The following NAV3 variants were observed in gnomAD, a reference collection of about 807,000 sequenced individuals.
NAV3 encodes the protein neuron navigator 3.
Under a neutral mutation model 244.7 loss-of-function variants are expected in NAV3, and 87 were observed. The ratio of observed to expected loss-of-function variants is 0.36; its 90% CI spans 0.30 to 0.42. The LOEUF is 0.42. Ranked by LOEUF, NAV3 falls within the 20% of genes least tolerant of loss-of-function variation. NAV3 has a pLI of 1.00. For synonymous variants in NAV3, 1,126 were observed against 1,042.2 expected, an observed-to-expected ratio of 1.08 and a Z score of -1.55; for missense variants, 2,663 against 2,893.3, an observed-to-expected ratio of 0.92 and a Z score of 1.83.
chr12:78,040,650 G>A (rs773823772), intron 9 of NAV3, among the ~76,000 whole-genome samples: 16 of 152,098 alleles, frequency 1.1e-4, no homozygotes, highest in Non-Finnish European at 1.8e-4. Flanking sequence ...GGGGAAGGGG[G>A]AAAGGGATAG....
chr12:77,847,812 G>A lies in NAV3; in HGVS notation c.243+16108G>A, dbSNP rs552312147. Reference sequence around the variant, plus strand: ...TGTGTAGCTTGTTTTAGCCTTCAGAGGAAAGTTCCCATATATAGCACTCTA... The same window carrying A: ...TGTGTAGCTTGTTTTAGCCTTCAGAAGAAAGTTCCCATATATAGCACTCTA... On this transcript the variant is annotated intron_variant, in intron 1 of 39. Coordinates refer to ENST00000397909, the MANE Select transcript of NAV3 (RefSeq NM_001024383.2). Among the ~76,000 whole-genome samples, 41 of 152,274 alleles carry A rather than the reference G, an allele frequency of 2.7e-4. No individual in the cohort carries two copies. The Middle Eastern group carries it at 0.01, about 38-fold the overall frequency.
At chr12:78,161,068 A>G (rs1170006619) in intron 23 of NAV3, among the ~76,000 whole-genome samples, 1 of 152,120 alleles carries the variant, frequency 6.6e-6, no homozygotes, top group Non-Finnish European at 1.5e-5. Context: ...CTGACGGGAA[A>G]GAATAAAAAC....
At chr12:77,932,583 A>T (rs1290751032) in intron 1 of NAV3, among the ~76,000 whole-genome samples, 1 of 152,182 alleles carries the variant, frequency 6.6e-6, no homozygotes, top group Non-Finnish European at 1.5e-5. Context: ...ACAGGGCAGA[A>T]AACTATTTTA....
intron 9 of NAV3, among the ~76,000 whole-genome samples, chr12:78,042,201 G>T (rs1023294577): frequency 2.0e-5 from 3 of 152,144 alleles, no homozygotes; most frequent in Admixed American, 2.0e-4. Flanking sequence ...GCTTTAGAAG[G>T]TCACTAGCTT....
intron 2 of NAV3, among the ~76,000 whole-genome samples, chr12:77,641,711 A>G (rs1466582082): frequency 6.6e-6 from 1 of 152,072 alleles, no homozygotes; most frequent in Non-Finnish European, 1.5e-5. Context: ...TTTCCATTAT[A>G]CATACACCTC....
intron 12 of NAV3, among the ~76,000 whole-genome samples, chr12:78,082,469 C>T (rs1435084135): frequency 1.3e-5 from 2 of 152,096 alleles, no homozygotes; most frequent in East Asian, 1.9e-4. Flanking sequence ...TGATTTTTCT[C>T]GGAAGTTTTC....
intron 1 of NAV3, among the ~76,000 whole-genome samples, chr12:77,924,371 G>T (rs564809805): frequency 6.6e-6 from 1 of 152,220 alleles, no homozygotes; most frequent in African/African-American, 2.4e-5. Context: ...TGCAAGGAGA[G>T]GAGAGCTGGA....
chr12:77,933,269 G>T (rs1888995001), intron 1 of NAV3, among the ~76,000 whole-genome samples: 1 of 152,116 alleles, frequency 6.6e-6, no homozygotes, highest in African/African-American at 2.4e-5. Flanking sequence ...GTGTTTATAT[G>T]ACTGTTAGAG....
chr12:77,755,566 TCCTTTCCTTTCCTTTCCTC>T (rs1869103813), intron 2 of NAV3, among the ~76,000 whole-genome samples: 1 of 62,212 alleles, frequency 1.6e-5, no homozygotes, highest in Non-Finnish European at 3.2e-5. Flanking sequence ...TCCTTTCCTT[TCCTTTCCTTTCCTTTCCTC>T]CCTCCCTCCC....
In NAV3 at chr12:77,812,977, T is replaced by C. The variant is rs549791653; in HGVS notation, c.73-127342T>C. On this transcript the variant is annotated intron_variant, in intron 2 of 8. Coordinates refer to the NAV3 transcript ENST00000550042. ...AAGTAGCTGGGATTACAGGCATGCATCACCATGCCTAGCTTTTATGTTTTT... is the reference window on the plus strand; with the variant it reads ...AAGTAGCTGGGATTACAGGCATGCACCACCATGCCTAGCTTTTATGTTTTT... Among the ~76,000 whole-genome samples, 169 of 152,146 alleles carry C rather than the reference T, an allele frequency of 1.1e-3. 1 individual carries two copies. The highest frequency in any genetic ancestry group is 3.9e-3 in the African/African-American group (163 of 41,530).
chr12:77,796,987 C>A (rs1871438795), intron 2 of NAV3, among the ~76,000 whole-genome samples: 1 of 151,996 alleles, frequency 6.6e-6, no homozygotes, highest in South Asian at 2.1e-4. Context: ...GAAATGAATT[C>A]TCAAAATCTC....
chr12:77,826,740 C>T (rs527740169), upstream of NAV3, among the ~76,000 whole-genome samples: 7 of 152,212 alleles, frequency 4.6e-5, no homozygotes, highest in South Asian at 1.2e-3. Context: ...GCAAAACTAG[C>T]GTTAGAAGTC....
intron 2 of NAV3, among the ~76,000 whole-genome samples, chr12:77,680,331 T>C (rs913508772): frequency 4.6e-5 from 7 of 152,122 alleles, no homozygotes; most frequent in Non-Finnish European, 4.4e-5. Context: ...AGAATATCTA[T>C]TAGGGTAATG....
Position 77,867,492 on chromosome 12 carries a change from T to G in NAV3, c.243+35788T>G, listed in dbSNP as rs1210973074. On this transcript the variant is annotated intron_variant, in intron 1 of 39. Transcript: ENST00000397909. ...TGGAGTGCAGTGGCGCGATCTCAGCTCACTGCCAGCTCCGCCTCCCAGGTT... is the reference window on the plus strand; with the variant it reads ...TGGAGTGCAGTGGCGCGATCTCAGCGCACTGCCAGCTCCGCCTCCCAGGTT... Among the ~76,000 whole-genome samples, 12 of 152,166 alleles carry G rather than the reference T, an allele frequency of 7.9e-5. 1 individual carries two copies. The highest frequency in any genetic ancestry group is 7.9e-4 in the Admixed American group (12 of 15,268).
intron 9 of NAV3, among the ~76,000 whole-genome samples, chr12:78,046,771 A>G (rs1037147270): frequency 2.0e-5 from 3 of 152,148 alleles, no homozygotes; most frequent in Non-Finnish European, 4.4e-5. Context: ...GTTGAGTTCA[A>G]GTCCTGAATA....
At chr12:77,971,646 G>GTGA (rs1271063253) in intron 5 of NAV3, among the ~76,000 whole-genome samples, 2 of 152,020 alleles carry the variant, frequency 1.3e-5, no homozygotes, top group Non-Finnish European at 2.9e-5. Flanking sequence ...AAAATTCCTA[G>GTGA]TGACAAATTT....
At chr12:77,770,201 G>A (rs776209004) in intron 2 of NAV3, among the ~76,000 whole-genome samples, 7 of 152,096 alleles carry the variant, frequency 4.6e-5, no homozygotes, top group Non-Finnish European at 1.0e-4. Flanking sequence ...TTTACTTTAT[G>A]AGAAGGAATA....
chr12:77,690,993 C>T (rs1001373135), intron 2 of NAV3, among the ~76,000 whole-genome samples: 2 of 150,554 alleles, frequency 1.3e-5, no homozygotes, highest in African/African-American at 4.8e-5. Context: ...ATTTTTATGG[C>T]ATCTTTTATT....
intron 2 of NAV3, among the ~76,000 whole-genome samples, chr12:77,715,363 CTT>C (rs1876311859): frequency 6.6e-6 from 1 of 151,202 alleles, no homozygotes; most frequent in South Asian, 2.1e-4. Flanking sequence ...CTTTCTATGT[CTT>C]TTTTGTATTA....
Sources: gnomAD v4.1 joint callset for allele counts (sites outside exome capture counted in the v4.1 genomes callset) on GRCh38, gnomAD v4.1.1 for gene constraint, MANE v1.5 for transcripts, NCBI Gene and HGNC (gene_info 2026-07-23, HGNC 2026-07-21) for gene names.